The following RBBP8 variants were observed in gnomAD, a reference collection of about 807,000 sequenced individuals.
RBBP8 encodes the protein DNA endonuclease RBBP8.
In RBBP8, 88 loss-of-function variants were observed where a neutral mutation model predicts 108.3. The observed-to-expected ratio is 0.81, with a 90% confidence interval of 0.68 to 0.97. The LOEUF (loss-of-function observed/expected upper bound fraction) is 0.97. Ranked by LOEUF, RBBP8 falls within the 50% of genes least tolerant of loss-of-function variation. RBBP8 has a pLI of 0.00. For synonymous variants in RBBP8, 332 were observed against 348.2 expected (o/e 0.95, Z 0.52); for missense variants, 1,023 against 1,049.0 (o/e 0.98, Z 0.34).
At chr18:22,916,739 C>G (rs148569791) in intron 2 of RBBP8, among the ~76,000 whole-genome samples, 2 of 152,210 alleles carry the variant, frequency 1.3e-5, no homozygotes, top group Non-Finnish European at 2.9e-5. Context: ...TATTTTGTTT[C>G]AGACTGATGA....
upstream of RBBP8, among the ~76,000 whole-genome samples, chr18:22,932,337 C>A (rs1180875810): frequency 6.6e-6 from 1 of 152,168 alleles, no homozygotes; most frequent in African/African-American, 2.4e-5. Flanking sequence ...TTAAAAATTA[C>A]ATAGTCAAAA....
At chr18:23,009,555 G>A (rs928814169) in intron 16 of RBBP8, among the ~76,000 whole-genome samples, 19 of 149,398 alleles carry the variant, frequency 1.3e-4, no homozygotes, top group African/African-American at 4.4e-4. Flanking sequence ...TGTATATAAT[G>A]GACACAAAGT....
Position 22,949,938 on chromosome 18 carries a change from T to C in RBBP8, c.248+225T>C. ...TTAAATGATATCTTTATCTGGTGTT[T>C]GATGTAGTGGAAGCTCAAGGGTAGC... On this transcript the variant is annotated intron_variant, in intron 4 of 18. Coordinates refer to ENST00000327155, the MANE Select transcript of RBBP8 (RefSeq NM_002894.3). 3 of 467,510 alleles carry C rather than the reference T, an allele frequency of 6.4e-6. No individual in the cohort carries two copies. In the South Asian group the frequency reaches 9.1e-5, roughly 14 times the overall value. The allele number at this position is 467,510 out of a possible 1,614,324, so 29.0% of individuals were successfully genotyped here.
intron 13 of RBBP8, among the ~76,000 whole-genome samples, chr18:22,997,053 TA>T (rs980819507): frequency 6.6e-6 from 1 of 152,236 alleles, no homozygotes; most frequent in African/African-American, 2.4e-5. Flanking sequence ...TATCATTCAT[TA>T]AAATAATTCA....
At chr18:23,013,985 A>G (rs1487079986) in intron 16 of RBBP8, among the ~76,000 whole-genome samples, 1 of 152,048 alleles carries the variant, frequency 6.6e-6, no homozygotes, top group Non-Finnish European at 1.5e-5. Flanking sequence ...GAGATGTACA[A>G]GGAGATGAAT....
chr18:23,016,352 C>G (rs1370431132), intron 16 of RBBP8, among the ~76,000 whole-genome samples: 2 of 151,996 alleles, frequency 1.3e-5, no homozygotes, highest in African/African-American at 4.8e-5. Context: ...CAAGACTAGC[C>G]TGGCCAACAT....
At chr18:22,999,889 G>T (rs2045918618) in intron 14 of RBBP8, among the ~76,000 whole-genome samples, 1 of 152,130 alleles carries the variant, frequency 6.6e-6, no homozygotes, top group South Asian at 2.1e-4. Flanking sequence ...TTAACATTTT[G>T]CTTTACAAAC....
chr18:22,957,144 T>G (rs1912628710), intron 4 of RBBP8, among the ~76,000 whole-genome samples: 1 of 152,226 alleles, frequency 6.6e-6, no homozygotes, highest in Admixed American at 6.5e-5. Flanking sequence ...TTTGTGTTGC[T>G]GTTATTCATA....
At position 22,935,741 on chromosome 18, in the gene RBBP8, C is replaced by A. The variant is rs542655200; in HGVS notation, c.-98-1013C>A. Reference sequence around the variant, plus strand: ...CTAATTAATGGTTTCATTTTAAGAACACATATTAAAATATTTACTAATCCA... The same window carrying A: ...CTAATTAATGGTTTCATTTTAAGAAAACATATTAAAATATTTACTAATCCA... On this transcript the variant is annotated intron_variant, in intron 1 of 18. Coordinates refer to ENST00000327155, the MANE Select transcript of RBBP8 (RefSeq NM_002894.3). Among the ~76,000 whole-genome samples the A allele has an allele frequency of 2.6e-5, 4 of 152,306 alleles. No individual in the cohort carries two copies. In the East Asian group the frequency reaches 7.7e-4, roughly 29 times the overall value.
At position 22,982,347 on chromosome 18, in the gene RBBP8, C is replaced by T. The variant is rs185921651; in HGVS notation, c.558C>T (p.Tyr186=). The change falls in exon 7 of 19, where the codon TAC becomes TAT. Residue 186 remains tyrosine (Y), a synonymous_variant. Coordinates refer to ENST00000327155, the MANE Select transcript of RBBP8 (RefSeq NM_002894.3). ...GAAAGGAGAACCCCCATGTCCGATA[C>T]ATAGAACAAACACATACTAAATTGG... The part of the protein sequence containing the change: ...LRRKENPHVR[Y]IEQTHTKLEH... 1 of 1,614,148 alleles carries T rather than the reference C, an allele frequency of 6.2e-7. No individual in the cohort carries two copies. Among genetic ancestry groups the T allele is most frequent in the African/African-American group, 1.3e-5 (1 of 75,060 alleles).
In RBBP8 at chr18:22,979,140, G is replaced by A. The variant is rs564196572; in HGVS notation, c.429-3078G>A. On this transcript the variant is annotated intron_variant, in intron 6 of 18. Coordinates refer to ENST00000327155, the MANE Select transcript of RBBP8 (RefSeq NM_002894.3). Reference sequence around the variant, plus strand: ...AAACTAGCCAGGTATGGTTGCACGCGCAGCTGTAGTCCCAGCTACTCGGGA... The same window carrying A: ...AAACTAGCCAGGTATGGTTGCACGCACAGCTGTAGTCCCAGCTACTCGGGA... Among the ~76,000 whole-genome samples the A allele has an allele frequency of 3.9e-5, 6 of 152,176 alleles. No individual in the cohort carries two copies. In the East Asian group the frequency reaches 5.8e-4, roughly 15 times the overall value.
chr18:22,919,308 G>C (rs1323205266), intron 3 of RBBP8, among the ~76,000 whole-genome samples: 25 of 152,148 alleles, frequency 1.6e-4, no homozygotes, highest in Non-Finnish European at 1.5e-5. Flanking sequence ...TTGGTTTAGA[G>C]TTAACATTAG....
At chr18:22,960,246 T>TA (rs1449759670) in intron 4 of RBBP8, among the ~76,000 whole-genome samples, 1 of 152,220 alleles carries the variant, frequency 6.6e-6, no homozygotes, top group Non-Finnish European at 1.5e-5. Flanking sequence ...TCTCATAACA[T>TA]ACAGTTTACC....
chr18:22,955,579 CTTT>C (rs746128314), intron 4 of RBBP8, among the ~76,000 whole-genome samples: 3 of 140,224 alleles, frequency 2.1e-5, no homozygotes, highest in African/African-American at 2.6e-5. Context: ...AGGTTTATAT[CTTT>C]TTTTTTTTTT....
intron 6 of RBBP8, among the ~76,000 whole-genome samples, chr18:22,977,628 A>G (rs1416754498): frequency 5.3e-5 from 8 of 152,124 alleles, no homozygotes; most frequent in Non-Finnish European, 7.4e-5. Flanking sequence ...AATTCCTTAT[A>G]CAGCTTCTTT....
At chr18:23,025,002 C>T (rs2046430488) in intron 18 of RBBP8, among the ~76,000 whole-genome samples, 1 of 152,210 alleles carries the variant, frequency 6.6e-6, no homozygotes, top group African/African-American at 2.4e-5. Context: ...AATCCCAGCA[C>T]TTTGGGAGGC....
chr18:22,943,760 G>T (rs549868664), intron 2 of RBBP8, among the ~76,000 whole-genome samples: 1 of 152,086 alleles, frequency 6.6e-6, no homozygotes, highest in African/African-American at 2.4e-5. Flanking sequence ...TAAAATGACA[G>T]TACATACATT....
At chr18:22,959,409 G>A (rs1379001771) in intron 4 of RBBP8, among the ~76,000 whole-genome samples, 2 of 151,900 alleles carry the variant, frequency 1.3e-5, no homozygotes, top group Non-Finnish European at 2.9e-5. Context: ...ATCAACCTTC[G>A]TGATGCTCTG....
upstream of RBBP8, among the ~76,000 whole-genome samples, chr18:22,930,291 C>T (rs1000367847): frequency 3.3e-5 from 5 of 152,204 alleles, no homozygotes; most frequent in African/African-American, 1.2e-4. Flanking sequence ...GGTGGCAGCA[C>T]TGGGCCTGAG....
Sources: allele counts gnomAD v4.1 joint callset (sites outside exome capture counted in the v4.1 genomes callset), GRCh38; gene constraint gnomAD v4.1.1; transcripts MANE v1.5; gene names NCBI Gene and HGNC (gene_info 2026-07-23, HGNC 2026-07-21).